RPS6KA2: variants seen among roughly 807,000 people sequenced by gnomAD.
RPS6KA2 encodes ribosomal protein S6 kinase alpha-2.
A neutral mutation model predicts 91.8 loss-of-function variants in RPS6KA2; 42 were observed. That is an observed-to-expected ratio of 0.46 (90% CI 0.36 to 0.59). RPS6KA2 has a LOEUF of 0.59. RPS6KA2 is among the 20% of genes least tolerant of loss of function. RPS6KA2 has a pLI of 0.00. For missense variants in RPS6KA2, 798 were observed against 978.5 expected, an observed-to-expected ratio of 0.82 and a Z score of 2.46; for synonymous variants, 414 against 393.6, an observed-to-expected ratio of 1.05 and a Z score of -0.61.
At chr6:166,564,563 T>C (rs2128507042) in intron 1 of RPS6KA2, among the ~76,000 whole-genome samples, 1 of 152,356 alleles carries the variant, frequency 6.6e-6, no homozygotes, top group East Asian at 1.9e-4. Flanking sequence ...CAATGACAGT[T>C]GACAGATTTC....
At chr6:166,529,036 A>G (rs1379676668) in intron 3 of RPS6KA2, among the ~76,000 whole-genome samples, 1 of 152,228 alleles carries the variant, frequency 6.6e-6, no homozygotes, top group African/African-American at 2.4e-5. Context: ...ATCTAGAACT[A>G]GAAATACCAT....
intron 14 of RPS6KA2, among the ~76,000 whole-genome samples, chr6:166,436,600 G>A (rs1023829359): frequency 5.9e-5 from 9 of 152,232 alleles, no homozygotes; most frequent in Non-Finnish European, 1.3e-4. Flanking sequence ...CTTGTCCTGT[G>A]GTGTCTGTCT....
intron 2 of RPS6KA2, among the ~76,000 whole-genome samples, chr6:166,716,055 A>G: frequency 2.9e-5 from 3 of 101,784 alleles, no homozygotes; most frequent in African/African-American, 4.5e-5. Flanking sequence ...AAAAAAAAAA[A>G]AAAAAAGAAG....
At chr6:166,692,192 G>A (rs959504298) in intron 2 of RPS6KA2, among the ~76,000 whole-genome samples, 8 of 152,068 alleles carry the variant, frequency 5.3e-5, no homozygotes, top group Non-Finnish European at 1.0e-4. Context: ...GATAAAATAA[G>A]GGAAGAACAG....
chr6:166,862,028 A>G, intron 1 of RPS6KA2: 1 of 1,572,482 alleles, frequency 6.4e-7, no homozygotes, highest in South Asian at 1.1e-5. Flanking sequence ...TGAACTGATT[A>G]TAGTAAATGA....
At chr6:166,613,507 C>T (rs965258957) in intron 1 of RPS6KA2, among the ~76,000 whole-genome samples, 6 of 152,192 alleles carry the variant, frequency 3.9e-5, no homozygotes, top group Non-Finnish European at 5.9e-5. Flanking sequence ...TTCACGGTCA[C>T]GCCTGTTTCT....
At chr6:166,746,355 C>G (rs759399093) in intron 2 of RPS6KA2, among the ~76,000 whole-genome samples, 3 of 152,178 alleles carry the variant, frequency 2.0e-5, no homozygotes, top group Non-Finnish European at 4.4e-5. Context: ...CGTGTGTTTT[C>G]CTGTTCTCAC....
chr6:166,543,525 T>G (rs953363718), intron 1 of RPS6KA2, among the ~76,000 whole-genome samples: 8 of 152,274 alleles, frequency 5.3e-5, no homozygotes, highest in African/African-American at 1.9e-4. Flanking sequence ...GCATGGCTAT[T>G]CACTCCCTCT....
At chr6:166,451,358 TGC>T in intron 12 of RPS6KA2, 125 bp from the exon 13 acceptor site, 8 of 1,012,544 alleles carry the variant, frequency 7.9e-6, no homozygotes, top group East Asian at 2.5e-5. Flanking sequence ...TGTGTGTGTG[TGC>T]ACGTGGCGTA....
At chr6:166,509,458 A>G (rs773602948) in intron 4 of RPS6KA2, 2 of 168,860 alleles carry the variant, frequency 1.2e-5, no homozygotes, top group African/African-American at 2.4e-5. Flanking sequence ...CCCACGGCCG[A>G]GAAGGAACAG....
chr6:166,507,613 ACAC>A (rs1782286393), intron 5 of RPS6KA2, among the ~76,000 whole-genome samples: 1 of 150,558 alleles, frequency 6.6e-6, no homozygotes. Context: ...TGCACAAAGC[ACAC>A]CACACACCCC....
rs1787762701 is a variant in RPS6KA2 at position 166,648,959 on chromosome 6, CT to C, written c.124-110176del. Among the ~76,000 whole-genome samples the C allele has an allele frequency of 6.6e-6, 1 of 152,188 alleles. No homozygotes were observed. The highest frequency in any genetic ancestry group is 1.5e-5 in the Non-Finnish European group (1 of 68,028). ...AGGCCACTGGCACCTCATGCCAGCCCTACTAATGGGCTCCTTCCTTCGCCCC... is the reference window on the plus strand; with the variant it reads ...AGGCCACTGGCACCTCATGCCAGCCCACTAATGGGCTCCTTCCTTCGCCCC... On this transcript the variant is annotated intron_variant, in intron 2 of 21. Transcript: ENST00000503859. The surrounding 1 kb of genome is among the most constrained non-coding windows in gnomAD (Gnocchi z 4.8).
intron 12 of RPS6KA2, among the ~76,000 whole-genome samples, chr6:166,454,269 G>GTCAGATCTCAGCACTT (rs1293275846): frequency 2.6e-5 from 4 of 152,216 alleles, no homozygotes; most frequent in Non-Finnish European, 5.9e-5. Context: ...GGAGGCTGAG[G>GTCAGATCTCAGCACTT]TGGGCAGATC....
At chr6:166,641,443 G>C (rs1304796236) in intron 2 of RPS6KA2, among the ~76,000 whole-genome samples, 5 of 151,774 alleles carry the variant, frequency 3.3e-5, no homozygotes, top group Non-Finnish European at 7.4e-5. Context: ...CAATAGATTG[G>C]CCAGGTGTGG....
rs1790182371 is a variant in RPS6KA2 at position 166,721,814 on chromosome 6, GCCAGC to G, written c.123+136381_123+136385del. Among the ~76,000 whole-genome samples, 5 of 1,806 alleles carry G rather than the reference GCCAGC, an allele frequency of 2.8e-3. No individual in the cohort carries two copies. The East Asian group carries it at 0.25, about 90-fold the overall frequency. The allele number at this position is 1,806 out of a possible 152,430, so 1.2% of individuals were successfully genotyped here. On this transcript the variant is annotated intron_variant, in intron 2 of 21. Transcript: ENST00000503859. ...AGCTCAGCTGCTTCCCCCAGGAGGTGCCAGCTCAGAGGAGGAGCCGGTGCCAGCTC... is the reference window on the plus strand; with the variant it reads ...AGCTCAGCTGCTTCCCCCAGGAGGTGTCAGAGGAGGAGCCGGTGCCAGCTC...
intron 1 of RPS6KA2, among the ~76,000 whole-genome samples, chr6:166,558,203 C>T (rs752913607): frequency 4.7e-4 from 71 of 151,750 alleles, no homozygotes; most frequent in Non-Finnish European, 7.8e-4. Context: ...TAGAAGCTGA[C>T]GAGTCCCAAG....
intron 2 of RPS6KA2, among the ~76,000 whole-genome samples, chr6:166,752,849 G>A (rs1347453105): frequency 6.6e-6 from 1 of 152,168 alleles, no homozygotes; most frequent in Non-Finnish European, 1.5e-5. Context: ...GGATACTCTT[G>A]GGGTAATGGT....
At chr6:166,679,922 A>G (rs1348963512) in intron 2 of RPS6KA2, among the ~76,000 whole-genome samples, 3 of 152,246 alleles carry the variant, frequency 2.0e-5, no homozygotes, top group African/African-American at 7.2e-5. Context: ...TACCTGGACT[A>G]GGTGCCGCAA....
chr6:166,739,603 A>G (rs1320478806), intron 2 of RPS6KA2, among the ~76,000 whole-genome samples: 5 of 152,228 alleles, frequency 3.3e-5, no homozygotes, highest in Non-Finnish European at 7.3e-5. Context: ...AAGACAGGAA[A>G]AGAGGGTGTC....
Sources: allele counts gnomAD v4.1 joint callset (sites outside exome capture counted in the v4.1 genomes callset), GRCh38; gene constraint gnomAD v4.1.1; non-coding constraint Gnocchi (gnomAD v3.1); transcripts MANE v1.5; gene names NCBI Gene and HGNC (gene_info 2026-07-23, HGNC 2026-07-21).